The following ZNF131 variants were observed in gnomAD, a reference collection of about 807,000 sequenced individuals.
ZNF131 encodes the protein zinc finger protein 131.
ZNF131 carries 7 observed loss-of-function variants against 60.0 expected under a neutral mutation model. The observed-to-expected ratio is 0.12, with a 90% CI of 0.07 to 0.22. The LOEUF (loss-of-function observed/expected upper bound fraction) is 0.22. Among genes scored for constraint, ZNF131 ranks in the 10% least tolerant of loss-of-function variants. The pLI, the probability that ZNF131 is intolerant of heterozygous loss-of-function variation, is 1.00. For missense variants in ZNF131, 493 were observed against 740.9 expected (o/e 0.67, Z 3.88); for synonymous variants, 257 against 253.2 (o/e 1.01, Z -0.14).
At position 43,174,662 on chromosome 5, in the gene ZNF131, A is replaced by G. The variant is rs1378832149; in HGVS notation, c.1401A>G (p.Thr467=). Residue 467 remains threonine, a synonymous_variant, in exon 7 of 7, where the codon ACA becomes ACG. Coordinates refer to ENST00000682664, the MANE Select transcript of ZNF131 (RefSeq NM_001330707.2). ...VETRVQTEPV[T]SMTIIEQVGK... ...CACGTGTGCAAACTGAACCTGTAAC[A>G]TCAATGACTATTATAGAACAAGTTG... is the stretch of plus-strand genomic sequence containing the variant. 3.1e-6 allele frequency: 5 copies of G among 1,614,242 alleles called. No homozygotes were observed. Among genetic ancestry groups the G allele is most frequent in the South Asian group, 1.1e-5 (1 of 91,084 alleles).
At position 43,174,457 on chromosome 5, in the gene ZNF131, G is replaced by A. The variant is rs1713380942; in HGVS notation, c.1196G>A (p.Ser399Asn). Residue 399 changes from serine to asparagine, a missense_variant, in exon 7 of 7, where the codon AGT (serine) becomes AAT (asparagine). Around this residue, in one of 7 missense-constraint regions of ZNF131, gnomAD observed 33 missense variants for 67.9 expected, o/e 0.49. Transcript: ENST00000682664. ...TTTTGGTTATTTCAGGTCTGCAACA[G>A]TGTGTTTAACAGCTGGGACCAGTTC... The part of the protein sequence containing the change: ...KKLYECQVCN[S>N]VFNSWDQFKD... 1 of 1,522,886 alleles carries A rather than the reference G, an allele frequency of 6.6e-7. No individual in the cohort carries two copies. Among genetic ancestry groups the A allele is most frequent in the African/African-American group, 1.4e-5 (1 of 71,946 alleles). 94.3% of individuals were successfully genotyped at this position (1,522,886 alleles called of 1,614,324 possible). A position where few individuals can be genotyped will look rare whatever the true frequency, so the allele number is the denominator to read the frequency against.
chr5:43,175,131 T>C lies in ZNF131; in HGVS notation c.1870T>C (p.Ter624ArgextTer4). 2 of 1,602,504 alleles carry C rather than the reference T, an allele frequency of 1.2e-6. No homozygotes were observed. The highest frequency in any genetic ancestry group is 1.7e-6 in the Non-Finnish European group (2 of 1,175,628). The change falls in exon 7 of 7, where the codon TGA becomes CGA. Residue 624 changes from the stop codon to arginine, a stop_lost. Transcript: ENST00000682664. ...CAGAACAGCTCTGCCAGTTTTAGAA[T>C]GAAATTACACATGAATATATTTTTA... ...EDRTALPVLE* is the reference protein window; with the variant it reads ...EDRTALPVLER
At chr5:43,168,976 C>T (rs1750667476) in intron 5 of ZNF131, among the ~76,000 whole-genome samples, 1 of 152,122 alleles carries the variant, frequency 6.6e-6, no homozygotes. Flanking sequence ...AGGGAAATAC[C>T]AGACATGTTG....
chr5:43,123,679 G>A (rs780260350), intron 3 of ZNF131: 21 of 169,906 alleles, frequency 1.2e-4, no homozygotes, highest in Non-Finnish European at 1.8e-4. Flanking sequence ...AGATGCTGCA[G>A]GTTACAGTAG....
Position 43,175,177 on chromosome 5 carries a change from G to T in ZNF131, c.*44G>T, listed in dbSNP as rs960086184. 6.5e-7 allele frequency: 1 copy of T among 1,528,712 alleles called. No individual in the cohort carries two copies. Among genetic ancestry groups the T allele is most frequent in the African/African-American group, 1.4e-5 (1 of 71,894 alleles). 94.7% of individuals were successfully genotyped at this position (1,528,712 alleles called of 1,614,324 possible). On this transcript the variant is annotated 3_prime_UTR_variant, in exon 7 of 7. Coordinates refer to ENST00000682664, the MANE Select transcript of ZNF131 (RefSeq NM_001330707.2). Reference sequence around the variant, plus strand: ...TTTTAAATTTACTTGTTGGGTTTTTGAACTGATTATGGGCAGTTTGACTGT... The same window carrying T: ...TTTTAAATTTACTTGTTGGGTTTTTTAACTGATTATGGGCAGTTTGACTGT...
rs1171876977 is a variant in ZNF131 at position 43,170,631 on chromosome 5, T to TC, written c.1055-2683dup. ...TTACCTGTAACAGCATTCATCTTTG[T>TC]CCCCTTTTTTTTTTTTTTTGAGACG... On this transcript the variant is annotated intron_variant, in intron 5 of 6. Coordinates refer to ENST00000682664, the MANE Select transcript of ZNF131 (RefSeq NM_001330707.2). 4.2e-3 allele frequency among the ~76,000 whole-genome samples: 577 copies of TC among 138,428 alleles called. 6 individuals are homozygous for TC. Among genetic ancestry groups the TC allele is most frequent in the African/African-American group, 0.014 (537 of 38,094 alleles). 90.8% of individuals were successfully genotyped at this position (138,428 alleles called of 152,430 possible).
At chr5:43,153,966 T>C (rs1748645907) in intron 4 of ZNF131, among the ~76,000 whole-genome samples, 1 of 152,216 alleles carries the variant, frequency 6.6e-6, no homozygotes, top group South Asian at 2.1e-4. Flanking sequence ...TTAGCTTTTG[T>C]GGTCATTTTT....
chr5:43,136,606 C>G (rs1445277542), intron 3 of ZNF131, among the ~76,000 whole-genome samples: 2 of 147,968 alleles, frequency 1.4e-5, no homozygotes, highest in Non-Finnish European at 3.0e-5. Flanking sequence ...AGGTGCGTGC[C>G]ACCACCCCCA....
chr5:43,127,808 A>G lies in ZNF131; in HGVS notation c.226+4498A>G, dbSNP rs528427244. ...CATATAAAATCTTCAACAGACATTCATTCCTTTGTTCAGAACACACAACCT... is the reference window on the plus strand; with the variant it reads ...CATATAAAATCTTCAACAGACATTCGTTCCTTTGTTCAGAACACACAACCT... On this transcript the variant is annotated intron_variant, in intron 3 of 6. Coordinates refer to ENST00000682664, the MANE Select transcript of ZNF131 (RefSeq NM_001330707.2). Among the ~76,000 whole-genome samples the G allele has an allele frequency of 2.0e-5, 3 of 152,336 alleles. No homozygotes were observed. The South Asian group carries it at 6.2e-4, about 32-fold the overall frequency.
intron 3 of ZNF131, among the ~76,000 whole-genome samples, chr5:43,131,748 G>C (rs1400963384): frequency 6.6e-6 from 1 of 151,484 alleles, no homozygotes; most frequent in Non-Finnish European, 1.5e-5. Context: ...GGAACAATAA[G>C]CAGTAATTCA....
At chr5:43,135,520 G>A (rs10454866) in intron 3 of ZNF131, among the ~76,000 whole-genome samples, 21 of 151,420 alleles carry the variant, frequency 1.4e-4, no homozygotes, top group African/African-American at 4.8e-4. Flanking sequence ...AGGCGGAGGC[G>A]GGTGGATTGC....
intron 4 of ZNF131, among the ~76,000 whole-genome samples, chr5:43,150,337 G>C (rs1445199172): frequency 2.0e-5 from 3 of 152,138 alleles, no homozygotes; most frequent in Non-Finnish European, 2.9e-5. Flanking sequence ...AAAATAAAAG[G>C]CTCTCAATGT....
intron 4 of ZNF131, among the ~76,000 whole-genome samples, chr5:43,139,650 C>A (rs10044622): frequency 0.013 from 2,004 of 151,828 alleles, 38 homozygotes; most frequent in African/African-American, 0.046. Flanking sequence ...GTTTGGCTTA[C>A]AAAGATTAAC....
intron 3 of ZNF131, among the ~76,000 whole-genome samples, chr5:43,136,464 A>T (rs373941005): frequency 7.0e-6 from 1 of 142,682 alleles, no homozygotes; most frequent in African/African-American, 2.6e-5. Flanking sequence ...GAACAAAGCT[A>T]GAGGCATCAT....
In ZNF131 at chr5:43,161,229, C is replaced by G. The variant is rs367884034; in HGVS notation, c.372-20C>G. The G allele has an allele frequency of 5.4e-5, 84 of 1,561,610 alleles. No homozygotes were observed. The East Asian group carries it at 1.2e-3, about 23-fold the overall frequency. ...GGATCTTCTTATAGATTTTTTAAAC[C>G]CCTACATTATGTATTTCAGGAACAA... On this transcript the variant is annotated intron_variant, in intron 4 of 6. Transcript: ENST00000682664.
chr5:43,132,704 C>T (rs949637091), intron 3 of ZNF131, among the ~76,000 whole-genome samples: 3 of 151,794 alleles, frequency 2.0e-5, no homozygotes, highest in Middle Eastern at 3.2e-3. Context: ...GCAGAGATGG[C>T]GTTTCACCAT....
intron 4 of ZNF131, among the ~76,000 whole-genome samples, chr5:43,149,884 A>G (rs1748084137): frequency 6.6e-6 from 1 of 152,154 alleles, no homozygotes; most frequent in South Asian, 2.1e-4. Flanking sequence ...ATTATTGTCA[A>G]GAAGGGGGCA....
At chr5:43,174,075 A>G (rs1282877836) in intron 6 of ZNF131, among the ~76,000 whole-genome samples, 1 of 152,192 alleles carries the variant, frequency 6.6e-6, no homozygotes, top group Non-Finnish European at 1.5e-5. Flanking sequence ...TAAAAATACA[A>G]AAGTTAGCCA....
intron 3 of ZNF131, among the ~76,000 whole-genome samples, chr5:43,125,662 C>G (rs1285654774): frequency 1.3e-5 from 2 of 151,890 alleles, no homozygotes; most frequent in South Asian, 4.2e-4. Context: ...CACCTGTAAT[C>G]CCAGCTACTC....
Sources: gnomAD v4.1 joint callset for allele counts (sites outside exome capture counted in the v4.1 genomes callset) on GRCh38, gnomAD v4.1.1 for gene constraint, gnomAD v4.1.1 regional missense constraint, MANE v1.5 for transcripts, NCBI Gene and HGNC (gene_info 2026-07-23, HGNC 2026-07-21) for gene names.